CLIP1: variants seen among roughly 807,000 people sequenced by gnomAD.
The protein encoded by CLIP1 is CAP-Gly domain-containing linker protein 1.
CLIP1 carries 66 observed loss-of-function variants against 161.6 expected under a neutral mutation model. That is an observed-to-expected ratio of 0.41 (90% CI 0.33 to 0.50). The LOEUF (loss-of-function observed/expected upper bound fraction) is 0.50. Ranked by LOEUF, CLIP1 falls within the 20% of genes least tolerant of loss-of-function variation. The probability of loss-of-function intolerance (pLI) is 0.27; values close to 1 mark genes in which losing one functional copy is unlikely to be tolerated. For synonymous variants in CLIP1, 598 were observed against 626.2 expected (o/e 0.96, Z 0.67); for missense variants, 1,376 against 1,702.0 (o/e 0.81, Z 3.37).
At position 122,380,419 on chromosome 12, in the gene CLIP1, G is replaced by A. The variant is rs765245725; in HGVS notation, c.34C>T (p.Pro12Ser). The change falls in exon 2 of 26, where the codon CCC (proline) becomes TCC (serine). Residue 12 changes from proline to serine, a missense_variant. By Grantham distance (74) the Pro-to-Ser change is moderately conservative. This residue lies in a region of CLIP1 where 66 missense variants were observed against 67.8 expected (regional missense o/e 0.97). Transcript: ENST00000620786. Reference protein sequence around the residue: ...SMLKPSGLKAPTKILKPGSTA... With the variant: ...SMLKPSGLKASTKILKPGSTA... ...CTTCCAGGCTTCAGGATCTTGGTGGGGGCCTTAAGCCCACTTGGCTTTAGC... is the reference window on the plus strand; with the variant it reads ...CTTCCAGGCTTCAGGATCTTGGTGGAGGCCTTAAGCCCACTTGGCTTTAGC... 6.2e-7 allele frequency: 1 copy of A among 1,613,310 alleles called. No homozygotes were observed. Among genetic ancestry groups the A allele is most frequent in the Non-Finnish European group, 8.5e-7 (1 of 1,179,666 alleles).
intron 1 of CLIP1, among the ~76,000 whole-genome samples, chr12:122,394,466 G>A (rs1188980491): frequency 8.8e-6 from 1 of 114,192 alleles, no homozygotes; most frequent in African/African-American, 3.5e-5. Flanking sequence ...TCCAGCCTGG[G>A]CAACACAGTG....
At chr12:122,309,134 C>T (rs977086241) in intron 20 of CLIP1, among the ~76,000 whole-genome samples, 3 of 152,102 alleles carry the variant, frequency 2.0e-5, no homozygotes. Context: ...AGTTTTGTTG[C>T]CATGTTTAAT....
At position 122,328,325 on chromosome 12, in the gene CLIP1, T is replaced by C; in HGVS notation, c.2969A>G (p.Gln990Arg). 1.2e-6 allele frequency: 2 copies of C among 1,614,196 alleles called. No individual in the cohort carries two copies. The highest frequency in any genetic ancestry group is 1.7e-6 in the Non-Finnish European group (2 of 1,180,030). The part of the protein sequence containing the change: ...EDMTVKAEQS[Q>R]QEAAKKHEEE... ...CTCATGCTTTTTAGCTGCTTCTTGCTGGCTCTGTTCAGCTTTGACAGTCAT... is the reference window on the plus strand; with the variant it reads ...CTCATGCTTTTTAGCTGCTTCTTGCCGGCTCTGTTCAGCTTTGACAGTCAT... Residue 990 changes from glutamine (Q) to arginine (R), a missense_variant, in exon 16 of 26, where the codon CAG (glutamine) becomes CGG (arginine). By Grantham distance (43) the Gln-to-Arg change is conservative. Coordinates refer to ENST00000620786, the MANE Select transcript of CLIP1 (RefSeq NM_001247997.2).
intron 10 of CLIP1, chr12:122,342,062 G>A (rs1566143734): frequency 6.3e-6 from 1 of 158,592 alleles, no homozygotes; most frequent in Non-Finnish European, 1.4e-5. Context: ...GGGATTACAG[G>A]CATGAGCCAC....
At chr12:122,409,500 G>T (rs1055972033) in intron 1 of CLIP1, among the ~76,000 whole-genome samples, 1 of 152,058 alleles carries the variant, frequency 6.6e-6, no homozygotes, top group African/African-American at 2.4e-5. Flanking sequence ...CACCTTAGAT[G>T]CTGTAAGTGG....
At chr12:122,370,161 CAAAA>C (rs528180348) in intron 3 of CLIP1, among the ~76,000 whole-genome samples, 1 of 109,926 alleles carries the variant, frequency 9.1e-6, no homozygotes. Context: ...AAACCTATCT[CAAAA>C]AAAAAAAAAA....
chr12:122,321,209 G>T (rs905517050), intron 17 of CLIP1, among the ~76,000 whole-genome samples: 2 of 150,980 alleles, frequency 1.3e-5, no homozygotes, highest in Admixed American at 6.6e-5. Flanking sequence ...AAGCCAAACA[G>T]AAGACTATAT....
intron 15 of CLIP1, among the ~76,000 whole-genome samples, chr12:122,329,465 A>C (rs980062574): frequency 1.3e-5 from 2 of 151,798 alleles, no homozygotes; most frequent in African/African-American, 4.8e-5. Flanking sequence ...CCTCTCTCTA[A>C]TAAAAATACA....
chr12:122,353,937 T>C (rs1953189663), intron 7 of CLIP1, among the ~76,000 whole-genome samples: 1 of 151,780 alleles, frequency 6.6e-6, no homozygotes, highest in Non-Finnish European at 1.5e-5. Context: ...AATCAGGCCA[T>C]GTCTAAATGA....
chr12:122,372,686 G>A (rs1954516479), intron 3 of CLIP1, among the ~76,000 whole-genome samples: 1 of 151,988 alleles, frequency 6.6e-6, no homozygotes, highest in African/African-American at 2.4e-5. Flanking sequence ...AATCCATTGT[G>A]TTAGAAACGA....
intron 20 of CLIP1, among the ~76,000 whole-genome samples, chr12:122,303,395 G>C (rs141510656): frequency 1.3e-5 from 2 of 152,034 alleles, no homozygotes; most frequent in Admixed American, 1.3e-4. Context: ...CACATATACC[G>C]TGAGTTTCCC....
intron 7 of CLIP1, among the ~76,000 whole-genome samples, chr12:122,354,028 T>C (rs182672977): frequency 6.7e-4 from 102 of 152,240 alleles, no homozygotes; most frequent in Non-Finnish European, 1.2e-3. Flanking sequence ...GCTGGACACA[T>C]AGTCATTCCT....
Position 122,341,647 on chromosome 12 carries a change from T to C in CLIP1, c.1557A>G (p.Leu519=). Residue 519 remains leucine (L), a synonymous_variant, in exon 11 of 26, where the codon CTA becomes CTG. Coordinates refer to ENST00000620786, the MANE Select transcript of CLIP1 (RefSeq NM_001247997.2). ...KSRIMELEKD[L]ALRVQEVAEL... is the part of the protein sequence containing the mutation. Reference sequence around the variant, plus strand: ...CAGCTACTTCCTGTACTCTCAATGCTAGGTCTTTCTCCAGTTCCATTATAC... The same window carrying C: ...CAGCTACTTCCTGTACTCTCAATGCCAGGTCTTTCTCCAGTTCCATTATAC... 1 of 1,611,852 alleles carries C rather than the reference T, an allele frequency of 6.2e-7. No homozygotes were observed. The highest frequency in any genetic ancestry group is 8.5e-7 in the Non-Finnish European group (1 of 1,179,644).
At chr12:122,293,002 CAAAAAAA>C (rs57326141) in intron 20 of CLIP1, among the ~76,000 whole-genome samples, 1 of 43,608 alleles carries the variant, frequency 2.3e-5, no homozygotes, top group Non-Finnish European at 4.4e-5. Context: ...GACTCTGTCT[CAAAAAAA>C]AAAAAAAAAA....
rs1953100699 is a variant in CLIP1, at chr12:122,352,714, G to C, written c.1368+12C>G. The C allele has an allele frequency of 6.2e-7, 1 of 1,609,972 alleles. No individual in the cohort carries two copies. Among genetic ancestry groups the C allele is most frequent in the Non-Finnish European group, 8.5e-7 (1 of 1,176,492 alleles). On this transcript the variant is annotated intron_variant, in intron 8 of 25. Coordinates refer to ENST00000620786, the MANE Select transcript of CLIP1 (RefSeq NM_001247997.2). ...ACCCATAAAAGCTGTAAGAGAGCTGGAGGGGTTTTACCTCAAGATCACCTT... is the reference window on the plus strand; with the variant it reads ...ACCCATAAAAGCTGTAAGAGAGCTGCAGGGGTTTTACCTCAAGATCACCTT...
intron 17 of CLIP1, chr12:122,322,368 C>T (rs1377458174): frequency 6.6e-6 from 1 of 152,626 alleles, no homozygotes; most frequent in Non-Finnish European, 1.5e-5. Context: ...TCTTGCATCA[C>T]CTGGGCTTTT....
At chr12:122,348,266 A>G (rs1593126737) in intron 9 of CLIP1, among the ~76,000 whole-genome samples, 1 of 152,232 alleles carries the variant, frequency 6.6e-6, no homozygotes, top group Non-Finnish European at 1.5e-5. Flanking sequence ...TCAGAATTAC[A>G]AAGAGAAAAT....
At chr12:122,325,632 C>T (rs1268163360) in intron 17 of CLIP1, among the ~76,000 whole-genome samples, 1 of 147,498 alleles carries the variant, frequency 6.8e-6, no homozygotes, top group Non-Finnish European at 1.5e-5. Context: ...ATGTAGACCG[C>T]ATATATTCCC....
chr12:122,377,953 A>T lies in CLIP1; in HGVS notation c.93T>A (p.Ala31=). The change falls in exon 3 of 26, where the codon GCT becomes GCA. Residue 31 remains alanine, a synonymous_variant. Transcript: ENST00000620786. The stretch of plus-strand genomic sequence containing the variant: ...CACTGGATATGGTTTTTTCTACTGG[A>T]GCTACAACTGAAAACAAAAGATCAT... ...TALKTPTAVV[A]PVEKTISSEK... is the part of the protein sequence containing the mutation. 6.2e-7 allele frequency: 1 copy of T among 1,601,018 alleles called. No homozygotes were observed. Among genetic ancestry groups the T allele is most frequent in the South Asian group, 1.1e-5 (1 of 88,704 alleles).
Sources: gnomAD v4.1 joint callset for allele counts (sites outside exome capture counted in the v4.1 genomes callset) on GRCh38, gnomAD v4.1.1 for gene constraint, gnomAD v4.1.1 regional missense constraint, MANE v1.5 for transcripts, NCBI Gene and HGNC (gene_info 2026-07-23, HGNC 2026-07-21) for gene names.